RFX3: variants seen among roughly 807,000 people sequenced by gnomAD.
RFX3 encodes the protein regulatory factor X3.
RFX3 carries 14 observed loss-of-function variants against 98.6 expected under a neutral mutation model. That is an observed-to-expected ratio of 0.14 (90% confidence interval 0.09 to 0.22). The LOEUF (loss-of-function observed/expected upper bound fraction) is 0.22. Among genes scored for constraint, RFX3 ranks in the 10% least tolerant of loss-of-function variants. The pLI, the probability that RFX3 is intolerant of heterozygous loss-of-function variation, is 1.00. For synonymous variants in RFX3, 383 were observed against 328.4 expected (o/e 1.17, Z -1.80); for missense variants, 639 against 926.9 (o/e 0.69, Z 4.03).
At chr9:3,507,912 G>A (rs1409093186) in intron 1 of RFX3, among the ~76,000 whole-genome samples, 1 of 151,698 alleles carries the variant, frequency 6.6e-6, no homozygotes, top group Non-Finnish European at 1.5e-5. Flanking sequence ...GGGAAGTACA[G>A]AGAAAAGTGG....
At chr9:3,259,470 A>T (rs930675307) in intron 13 of RFX3, among the ~76,000 whole-genome samples, 3 of 150,844 alleles carry the variant, frequency 2.0e-5, no homozygotes, top group South Asian at 2.1e-4. Context: ...GTCTATAATT[A>T]AAAAAGCTAA....
At chr9:3,441,311 G>C in intron 1 of RFX3, among the ~76,000 whole-genome samples, 1 of 147,636 alleles carries the variant, frequency 6.8e-6, no homozygotes, top group South Asian at 2.1e-4. Flanking sequence ...ACAGAATTGA[G>C]AGAGAGAGAG....
intron 2 of RFX3, among the ~76,000 whole-genome samples, chr9:3,383,111 C>G (rs1839361553): frequency 6.6e-6 from 1 of 152,080 alleles, no homozygotes; most frequent in Non-Finnish European, 1.5e-5. Flanking sequence ...TTCCTTTCCG[C>G]AGATTACCCA....
At chr9:3,228,770 C>A in intron 16 of RFX3, 77 bp downstream of exon 16, 2 of 1,205,444 alleles carry the variant, frequency 1.7e-6, no homozygotes, top group South Asian at 1.4e-5. Context: ...GTGTTGTAAA[C>A]ATATACCGTA....
At chr9:3,489,909 A>C (rs1487392602) in intron 1 of RFX3, among the ~76,000 whole-genome samples, 1 of 152,154 alleles carries the variant, frequency 6.6e-6, no homozygotes, top group African/African-American at 2.4e-5. Flanking sequence ...ATGCAGCATG[A>C]CCTTAATCCT....
rs71324247 is a variant in RFX3 at position 3,398,914 on chromosome 9, TAAAAAAAA to T, written c.-8-3326_-8-3319del. Among the ~76,000 whole-genome samples, 300 of 67,564 alleles carry T rather than the reference TAAAAAAAA, an allele frequency of 4.4e-3. 3 individuals are homozygous for T. Among genetic ancestry groups the T allele is most frequent in the African/African-American group, 0.013 (261 of 20,710 alleles). 44.3% of individuals were successfully genotyped at this position (67,564 alleles called of 152,430 possible). On this transcript the variant is annotated intron_variant, in intron 1 of 16. Transcript: ENST00000617270. The stretch of plus-strand genomic sequence containing the variant: ...ATGTACCCTAAAACTTAGAGTATAA[TAAAAAAAA>T]AAAAAAAAAAAAAAAAAAATTAAAA...
intron 1 of RFX3, among the ~76,000 whole-genome samples, chr9:3,409,966 G>A (rs1461066440): frequency 6.6e-6 from 1 of 152,128 alleles, no homozygotes; most frequent in Non-Finnish European, 1.5e-5. Flanking sequence ...AATAGGAGAA[G>A]AAAGGAGGAA....
intron 1 of RFX3, among the ~76,000 whole-genome samples, chr9:3,403,076 C>A (rs374288806): frequency 6.6e-6 from 1 of 151,958 alleles, no homozygotes; most frequent in East Asian, 1.9e-4. Context: ...TTTAAATAGT[C>A]AGGTACTAAA....
chr9:3,246,442 A>G (rs1177825154), intron 15 of RFX3, among the ~76,000 whole-genome samples: 3 of 152,136 alleles, frequency 2.0e-5, no homozygotes, highest in Non-Finnish European at 4.4e-5. Context: ...TGTTCCCTAG[A>G]GATGCAAGGA....
rs115600125 is a variant in RFX3, at chr9:3,264,923, G to A, written c.1455+1285C>T. Among the ~76,000 whole-genome samples the A allele has an allele frequency of 6.5e-3, 987 of 152,332 alleles. 3 individuals are homozygous for A. The highest frequency in any genetic ancestry group is 0.023 in the African/African-American group (937 of 41,566). On this transcript the variant is annotated intron_variant, in intron 12 of 16. Coordinates refer to ENST00000617270, the MANE Select transcript of RFX3 (RefSeq NM_001282116.2). The stretch of plus-strand genomic sequence containing the variant: ...CTTTGACAACACTGGGAAGGGAAGT[G>A]CTTTTAGCTGTTTGAGGTATTGTTA...
intron 1 of RFX3, among the ~76,000 whole-genome samples, chr9:3,466,126 T>G (rs1410353694): frequency 3.3e-5 from 5 of 152,220 alleles, no homozygotes; most frequent in African/African-American, 1.2e-4. Flanking sequence ...CTAAGAAATT[T>G]TGTCTTTTTA....
chr9:3,521,895 T>C (rs932591476), intron 1 of RFX3, among the ~76,000 whole-genome samples: 1 of 152,172 alleles, frequency 6.6e-6, no homozygotes, highest in African/African-American at 2.4e-5. Context: ...GTGTACTTTT[T>C]CTGGATTCAA....
chr9:3,229,911 C>T (rs140986279), intron 15 of RFX3, among the ~76,000 whole-genome samples: 320 of 152,052 alleles, frequency 2.1e-3, no homozygotes, highest in Middle Eastern at 6.8e-3. Flanking sequence ...TATTTTTTTC[C>T]TTACCTAGAC....
chr9:3,461,627 A>T (rs1174635075), intron 1 of RFX3, among the ~76,000 whole-genome samples: 1 of 152,008 alleles, frequency 6.6e-6, no homozygotes, highest in Non-Finnish European at 1.5e-5. Flanking sequence ...ACAAGTTGTT[A>T]AGCTGAAATA....
intron 13 of RFX3, among the ~76,000 whole-genome samples, chr9:3,259,690 G>A (rs905255810): frequency 1.3e-5 from 2 of 151,818 alleles, no homozygotes; most frequent in East Asian, 3.9e-4. Flanking sequence ...TTATGCCATC[G>A]TAATACTATC....
Position 3,323,861 on chromosome 9 carries a change from G to A in RFX3, c.474+6398C>T. On this transcript the variant is annotated intron_variant, in intron 4 of 16. Transcript: ENST00000617270. ...AGTGGAATGTCTTACAGCCCTAATG[G>A]TAAAATTACTGCCTCTAGATCTTAT... 3 of 192,686 alleles carry A rather than the reference G, an allele frequency of 1.6e-5. No homozygotes were observed. The South Asian group carries it at 3.3e-4, about 21-fold the overall frequency. The allele number at this position is 192,686 out of a possible 1,614,324, so 11.9% of individuals were successfully genotyped here.
At chr9:3,509,495 AAAT>A (rs1817459018) in intron 1 of RFX3, among the ~76,000 whole-genome samples, 1 of 152,010 alleles carries the variant, frequency 6.6e-6, no homozygotes, top group African/African-American at 2.4e-5. Context: ...GAGGAAATAC[AAAT>A]AATAGGAATT....
intron 15 of RFX3, among the ~76,000 whole-genome samples, chr9:3,235,248 A>C (rs1288257366): frequency 3.3e-5 from 5 of 152,238 alleles, no homozygotes; most frequent in African/African-American, 9.6e-5. Context: ...CTAATATAGA[A>C]GTTTTCCATA....
At chr9:3,406,542 G>A (rs527674473) in intron 1 of RFX3, among the ~76,000 whole-genome samples, 1 of 151,972 alleles carries the variant, frequency 6.6e-6, no homozygotes, top group South Asian at 2.1e-4. Flanking sequence ...ATGAATGCAT[G>A]GACTATCCTT....
Sources: gnomAD v4.1 joint callset for allele counts (sites outside exome capture counted in the v4.1 genomes callset) on GRCh38, gnomAD v4.1.1 for gene constraint, MANE v1.5 for transcripts, NCBI Gene and HGNC (gene_info 2026-07-23, HGNC 2026-07-21) for gene names.